The following NIT2 variants were observed in gnomAD, a reference collection of about 807,000 sequenced individuals.
NIT2 encodes the protein omega-amidase NIT2.
Under a neutral mutation model 42.7 loss-of-function variants are expected in NIT2, and 46 were observed. That is an observed-to-expected ratio of 1.08 (90% CI 0.85 to 1.38). The LOEUF is 1.38. Ranked by LOEUF, NIT2 falls within the 40% of genes most tolerant of loss-of-function variation. The pLI is 0.00. For synonymous variants in NIT2, 123 were observed against 121.9 expected, an observed-to-expected ratio of 1.01 and a Z score of -0.06; for missense variants, 309 against 342.5, an observed-to-expected ratio of 0.90 and a Z score of 0.77.
chr3:100,354,566 T>C (rs1440922126), intron 8 of NIT2, among the ~76,000 whole-genome samples: 1 of 152,238 alleles, frequency 6.6e-6, no homozygotes, highest in African/African-American at 2.4e-5. Flanking sequence ...ATTTCCACTT[T>C]ATAGATTAGG....
At chr3:100,342,117 ATC>A in intron 4 of NIT2, among the ~76,000 whole-genome samples, 1 of 152,068 alleles carries the variant, frequency 6.6e-6, no homozygotes, top group African/African-American at 2.4e-5. Flanking sequence ...ATTATGAAAT[ATC>A]TCTTTTTTTT....
chr3:100,348,036 G>T lies in NIT2; in HGVS notation c.506-767G>T, dbSNP rs149663886. 3.9e-3 allele frequency among the ~76,000 whole-genome samples: 588 copies of T among 152,134 alleles called. 4 individuals carry two copies. Among genetic ancestry groups the T allele is most frequent in the African/African-American group, 0.013 (524 of 41,512 alleles). ...CTCCCCAGTAGCTGGGATTATAGGC[G>T]CTCGCCACCACGCCCAGCTAATTTT... is the stretch of plus-strand genomic sequence containing the variant. On this transcript the variant is annotated intron_variant, in intron 6 of 9. Transcript: ENST00000394140.
At chr3:100,336,302 A>G (rs277628) in intron 1 of NIT2, among the ~76,000 whole-genome samples, 22,269 of 152,144 alleles carry the variant, frequency 0.15, 3,018 homozygotes, top group East Asian at 0.5. Flanking sequence ...GTGGGATGGG[A>G]AGTTCGGGCA....
At chr3:100,342,912 A>G (rs995281917) in intron 4 of NIT2, among the ~76,000 whole-genome samples, 2 of 152,178 alleles carry the variant, frequency 1.3e-5, no homozygotes, top group Admixed American at 1.3e-4. Flanking sequence ...TGTTCTGAGG[A>G]TCTGTTAGCT....
chr3:100,354,821 G>GACAT lies in NIT2; in HGVS notation c.735_738dup (p.Asp247HisfsTer8). 1 of 1,611,000 alleles carries GACAT rather than the reference G, an allele frequency of 6.2e-7. No individual in the cohort carries two copies. On this transcript the variant is annotated frameshift_variant, in exon 9 of 10. Coordinates refer to ENST00000394140, the MANE Select transcript of NIT2 (RefSeq NM_020202.5). LOFTEE classifies it high-confidence loss of function. Reference sequence around the variant, plus strand: ...CACAGAAGAAGCAATCGTGTATTCAGACATAGGTAAGATTTTCCTGGGCAT... The same window carrying GACAT: ...CACAGAAGAAGCAATCGTGTATTCAGACATACATAGGTAAGATTTTCCTGGGCAT...
At position 100,355,791 on chromosome 3, in the gene NIT2, A is replaced by C. The variant is rs776901890; in HGVS notation, c.*523A>C. On this transcript the variant is annotated 3_prime_UTR_variant, in exon 10 of 10. Transcript: ENST00000394140. ...CTCCTACCAGCCTTTGCACTCTTCA[A>C]ATTTAAAAAGGAGCTACTTATCAAC... 6.6e-6 allele frequency: 1 copy of C among 152,446 alleles called. No individual in the cohort carries two copies. Among genetic ancestry groups the C allele is most frequent in the Non-Finnish European group, 1.5e-5 (1 of 68,270 alleles). The allele number at this position is 152,446 out of a possible 1,614,324, so 9.4% of individuals were successfully genotyped here.
rs757093092 is a variant in NIT2 at position 100,355,193 on chromosome 3, T to C, written c.756T>C (p.Ala252=). The C allele has an allele frequency of 3.9e-5, 63 of 1,614,036 alleles. No individual in the cohort carries two copies. The African/African-American group carries it at 8.0e-4, about 20-fold the overall frequency. The part of the protein sequence containing the change: ...VYSDIDLKKL[A]EIRQQIPVFR... ...TTTTTGCAGACCTGAAGAAGCTGGCTGAAATACGCCAGCAAATCCCCGTTT... is the reference window on the plus strand; with the variant it reads ...TTTTTGCAGACCTGAAGAAGCTGGCCGAAATACGCCAGCAAATCCCCGTTT... The change falls in exon 10 of 10, where the codon GCT becomes GCC. Residue 252 remains alanine, a synonymous_variant. Transcript: ENST00000394140.
rs747846727 is a variant in NIT2 at position 100,346,150 on chromosome 3, T to G, written c.431-31T>G. 3.8e-6 allele frequency: 6 copies of G among 1,599,798 alleles called. No homozygotes were observed. In the South Asian group the frequency reaches 6.6e-5, roughly 18 times the overall value. ...CACACCATGCTGTAGGGAGTTAACTTTTCATTTGTGCATTTTCTGTTTGGA... is the reference window on the plus strand; with the variant it reads ...CACACCATGCTGTAGGGAGTTAACTGTTCATTTGTGCATTTTCTGTTTGGA... On this transcript the variant is annotated intron_variant, in intron 5 of 9. Coordinates refer to ENST00000394140, the MANE Select transcript of NIT2 (RefSeq NM_020202.5).
intron 7 of NIT2, among the ~76,000 whole-genome samples, chr3:100,350,671 C>T (rs1227253328): frequency 6.6e-6 from 1 of 152,204 alleles, no homozygotes; most frequent in Non-Finnish European, 1.5e-5. Flanking sequence ...TCAGGAAGAT[C>T]TCTAGACATT....
In NIT2 at chr3:100,354,772, G is replaced by C. The variant is rs201912363; in HGVS notation, c.684G>C (p.Trp228Cys). 1.4e-5 allele frequency: 23 copies of C among 1,606,612 alleles called. No individual in the cohort carries two copies. Among genetic ancestry groups the C allele is most frequent in the African/African-American group, 8.0e-5 (6 of 74,738 alleles). The change falls in exon 9 of 10, where the codon TGG (tryptophan) becomes TGC (cysteine). Residue 228 changes from tryptophan (W) to cysteine (C), a missense_variant and splice_region_variant. Trp to Cys is a radical substitution (Grantham distance 215). Coordinates refer to ENST00000394140, the MANE Select transcript of NIT2 (RefSeq NM_020202.5). ...AWGHSTVVNP[W>C]GEVLAKAGTE... ...TCATTCTCTTCTGCATCTTTTTCAG[G>C]GGGGAGGTTCTAGCCAAAGCTGGCA...
At chr3:100,347,994 A>G (rs573571256) in intron 6 of NIT2, among the ~76,000 whole-genome samples, 4 of 150,992 alleles carry the variant, frequency 2.6e-5, no homozygotes, top group African/African-American at 9.7e-5. Context: ...AGATTCAAGC[A>G]ATTCTCCTGC....
At chr3:100,344,358 T>G (rs1285005833) in intron 4 of NIT2, among the ~76,000 whole-genome samples, 1 of 152,240 alleles carries the variant, frequency 6.6e-6, no homozygotes, top group Admixed American at 6.5e-5. Flanking sequence ...TAGTTGTGCC[T>G]TTTATTTTGT....
chr3:100,344,707 G>T (rs1327674808), intron 4 of NIT2, among the ~76,000 whole-genome samples: 1 of 151,972 alleles, frequency 6.6e-6, no homozygotes, highest in Non-Finnish European at 1.5e-5. Context: ...GTGCAGTGGT[G>T]TGATCTTGGC....
rs969857427 is a variant in NIT2, at chr3:100,357,500, A to G, written c.*2232A>G. 1.3e-5 allele frequency: 2 copies of G among 152,100 alleles called. No individual in the cohort carries two copies. The highest frequency in any genetic ancestry group is 2.9e-5 in the Non-Finnish European group (2 of 68,018). The allele number at this position is 152,100 out of a possible 1,614,324, so 9.4% of individuals were successfully genotyped here. A position where few individuals can be genotyped will look rare whatever the true frequency, so the allele number is the denominator to read the frequency against. On this transcript the variant is annotated 3_prime_UTR_variant, in exon 10 of 10. Coordinates refer to ENST00000394140, the MANE Select transcript of NIT2 (RefSeq NM_020202.5). ...TTCCCCAAAAAACTTCATTTCCTCTAAAGAGCTGCTCAGAAGTTTGAAAAC... is the reference window on the plus strand; with the variant it reads ...TTCCCCAAAAAACTTCATTTCCTCTGAAGAGCTGCTCAGAAGTTTGAAAAC...
chr3:100,343,662 G>A (rs570248153), intron 4 of NIT2, among the ~76,000 whole-genome samples: 1 of 152,240 alleles, frequency 6.6e-6, no homozygotes, highest in South Asian at 2.1e-4. Flanking sequence ...TTTAAAGTCT[G>A]ATAATTATCA....
rs1044222441 is a variant in NIT2 at position 100,359,650 on chromosome 3, T to C, written c.*4382T>C. ...GTCCCTTAGATGTTAAAGGCCCTTA[T>C]ATTAATAGTTTTATTTTAGCTCCTT... On this transcript the variant is annotated 3_prime_UTR_variant, in exon 10 of 10. Coordinates refer to ENST00000394140, the MANE Select transcript of NIT2 (RefSeq NM_020202.5). The C allele has an allele frequency of 3.3e-5, 5 of 152,234 alleles. No individual in the cohort carries two copies. The highest frequency in any genetic ancestry group is 5.9e-5 in the Non-Finnish European group (4 of 68,044). 9.4% of individuals were successfully genotyped at this position (152,234 alleles called of 1,614,324 possible).
At position 100,359,479 on chromosome 3, in the gene NIT2, C is replaced by T. The variant is rs1039938070; in HGVS notation, c.*4211C>T. On this transcript the variant is annotated 3_prime_UTR_variant, in exon 10 of 10. Transcript: ENST00000394140. ...TAGTTTCTTTCAATTGCTTTTCAGA[C>T]CCCGGCAGGCAGATTCTGCCCTCAT... 2 of 152,130 alleles carry T rather than the reference C, an allele frequency of 1.3e-5. No individual in the cohort carries two copies. Among genetic ancestry groups the T allele is most frequent in the Non-Finnish European group, 2.9e-5 (2 of 68,044 alleles). The allele number at this position is 152,130 out of a possible 1,614,324, so 9.4% of individuals were successfully genotyped here.
At chr3:100,334,840 C>CG (rs3830303) in intron 1 of NIT2, 42 bp downstream of exon 1, 898,204 of 1,294,652 alleles carry the variant, frequency 0.69, 314,758 homozygotes, top group African/African-American at 0.91. Flanking sequence ...GTTCGGGCCG[C>CG]GGGGGAGGCT....
At position 100,360,834 on chromosome 3, in the gene NIT2, CTA is replaced by C. The variant is rs1706374258; in HGVS notation, c.*5568_*5569del. 1 of 152,214 alleles carries C rather than the reference CTA, an allele frequency of 6.6e-6. No individual in the cohort carries two copies. The highest frequency in any genetic ancestry group is 1.5e-5 in the Non-Finnish European group (1 of 68,036). 9.4% of individuals were successfully genotyped at this position (152,214 alleles called of 1,614,324 possible). ...TAATGACAGCTTTGGAAGGTAGAGA[CTA>C]TCTTCCTCTGGATCATAGGACAGGT... On this transcript the variant is annotated 3_prime_UTR_variant, in exon 10 of 10. Coordinates refer to ENST00000394140, the MANE Select transcript of NIT2 (RefSeq NM_020202.5).
Sources: gnomAD v4.1 joint callset for allele counts (sites outside exome capture counted in the v4.1 genomes callset) on GRCh38, gnomAD v4.1.1 for gene constraint, MANE v1.5 for transcripts, NCBI Gene and HGNC (gene_info 2026-07-23, HGNC 2026-07-21) for gene names.